The following GALNT17 variants were observed in gnomAD, a reference collection of about 807,000 sequenced individuals.
GALNT17 encodes polypeptide N-acetylgalactosaminyltransferase 17, also known as UDP-GalNAc:polypeptide N-acetylgalactosaminyltransferase-like 3.
Under a neutral mutation model 63.7 loss-of-function variants are expected in GALNT17, and 29 were observed. The ratio of observed to expected loss-of-function variants is 0.46; its 90% CI spans 0.34 to 0.62. GALNT17 has a LOEUF of 0.62. Among genes scored for constraint, GALNT17 ranks in the 20% least tolerant of loss-of-function variants. The pLI is 0.01. For synonymous variants in GALNT17, 305 were observed against 318.3 expected (o/e 0.96, Z 0.45); for missense variants, 603 against 799.6 (o/e 0.75, Z 2.97).
At chr7:71,243,096 G>A (rs1007888213) in intron 1 of GALNT17, among the ~76,000 whole-genome samples, 2 of 152,122 alleles carry the variant, frequency 1.3e-5, no homozygotes, top group African/African-American at 4.8e-5. Context: ...GATCCTGGGG[G>A]TGGTTTCCTC....
intron 5 of GALNT17, among the ~76,000 whole-genome samples, chr7:71,460,743 G>C (rs1209102992): frequency 6.6e-6 from 1 of 152,160 alleles, no homozygotes; most frequent in East Asian, 1.9e-4. Flanking sequence ...CGCTAAACAA[G>C]GGGGTGGATC....
chr7:71,560,193 CAAAAAAAAAAAAA>C (rs57189106), intron 5 of GALNT17, among the ~76,000 whole-genome samples: 2 of 94,484 alleles, frequency 2.1e-5, no homozygotes, highest in South Asian at 4.4e-4. Flanking sequence ...GACTCCATCT[CAAAAAAAAAAAAA>C]AAAAAAAAAA....
chr7:71,237,678 C>T lies in GALNT17; in HGVS notation c.239-97872C>T, dbSNP rs148903898. On this transcript the variant is annotated intron_variant, in intron 1 of 10. Transcript: ENST00000333538. The stretch of plus-strand genomic sequence containing the variant: ...CCAGCATGGGTGACAGAGTGATACC[C>T]TTTCTCAAAAACCAAACAAACAAAC... Among the ~76,000 whole-genome samples the T allele has an allele frequency of 2.8e-3, 429 of 152,218 alleles. 5 individuals carry two copies. The highest frequency in any genetic ancestry group is 9.7e-3 in the African/African-American group (404 of 41,534).
intron 1 of GALNT17, among the ~76,000 whole-genome samples, chr7:71,148,117 G>C (rs1217640337): frequency 6.6e-6 from 1 of 152,246 alleles, no homozygotes; most frequent in African/African-American, 2.4e-5. Context: ...CCAAGAGAAT[G>C]GGTTTCATTC....
chr7:71,571,850 C>A (rs978295568), intron 6 of GALNT17, among the ~76,000 whole-genome samples: 1 of 151,640 alleles, frequency 6.6e-6, no homozygotes, highest in African/African-American at 2.4e-5. Context: ...CCTGTCTCTA[C>A]AAAAAATAAA....
At chr7:71,670,483 G>T (rs1269561245) in intron 8 of GALNT17, among the ~76,000 whole-genome samples, 1 of 152,108 alleles carries the variant, frequency 6.6e-6, no homozygotes, top group African/African-American at 2.4e-5. Flanking sequence ...CTGTGGGCTG[G>T]AATCACTTAT....
chr7:71,328,202 C>T (rs78010393), intron 1 of GALNT17, among the ~76,000 whole-genome samples: 2,155 of 152,290 alleles, frequency 0.014, 26 homozygotes, highest in Middle Eastern at 0.027. Context: ...TAACTGTCGT[C>T]AGCTGTTAGG....
At chr7:71,298,283 G>A (rs1299466107) in intron 1 of GALNT17, among the ~76,000 whole-genome samples, 1 of 151,818 alleles carries the variant, frequency 6.6e-6, no homozygotes, top group African/African-American at 2.4e-5. Context: ...GCCTCCCAAA[G>A]TGCTGGGATT....
Position 71,449,108 on chromosome 7 carries a change from C to CTTTTTTTTTTTTTTTTTTTTT in GALNT17, c.962+28005_962+28025dup, listed in dbSNP as rs59368494. On this transcript the variant is annotated intron_variant, in intron 5 of 10. Coordinates refer to ENST00000333538, the MANE Select transcript of GALNT17 (RefSeq NM_022479.3). ...ATTAGAAATAACAGCTGCCTATTTTCTTTTTTTTTTTTTTTTTTTTTTGAG... is the reference window on the plus strand; with the variant it reads ...ATTAGAAATAACAGCTGCCTATTTTCTTTTTTTTTTTTTTTTTTTTTTTTTTTTTTTTTTTTTTTTTTTGAG... Among the ~76,000 whole-genome samples the CTTTTTTTTTTTTTTTTTTTTT allele has an allele frequency of 1.1e-3, 77 of 72,750 alleles. 19 individuals carry two copies. Among genetic ancestry groups the CTTTTTTTTTTTTTTTTTTTTT allele is most frequent in the African/African-American group, 1.6e-3 (28 of 17,406 alleles). 47.7% of individuals were successfully genotyped at this position (72,750 alleles called of 152,430 possible). A position where few individuals can be genotyped will look rare whatever the true frequency, so the allele number is the denominator to read the frequency against.
At chr7:71,299,431 C>T (rs1583841146) in intron 1 of GALNT17, among the ~76,000 whole-genome samples, 2 of 152,258 alleles carry the variant, frequency 1.3e-5, no homozygotes, top group Admixed American at 1.3e-4. Flanking sequence ...ATTATTTGTT[C>T]CATTGTACAG....
At chr7:71,157,354 A>T (rs1434506304) in intron 1 of GALNT17, among the ~76,000 whole-genome samples, 8 of 151,260 alleles carry the variant, frequency 5.3e-5, no homozygotes, top group Admixed American at 2.6e-4. Flanking sequence ...TAAAAACTTT[A>T]AAAAAATTGA....
At chr7:71,407,465 G>A (rs574025631) in intron 3 of GALNT17, among the ~76,000 whole-genome samples, 7 of 152,236 alleles carry the variant, frequency 4.6e-5, no homozygotes, top group African/African-American at 1.4e-4. Flanking sequence ...TCACACACAC[G>A]GTCCAGGCAT....
chr7:71,398,485 T>G (rs533316341), intron 3 of GALNT17, among the ~76,000 whole-genome samples: 1 of 152,214 alleles, frequency 6.6e-6, no homozygotes, highest in Admixed American at 6.5e-5. Context: ...GCAATATGTT[T>G]TCTTGTCCCT....
At chr7:71,623,205 T>C (rs1405328023) in intron 6 of GALNT17, among the ~76,000 whole-genome samples, 1 of 152,188 alleles carries the variant, frequency 6.6e-6, no homozygotes, top group Non-Finnish European at 1.5e-5. Flanking sequence ...ACTAGTTGTG[T>C]GGCATTAGGC....
intron 1 of GALNT17, among the ~76,000 whole-genome samples, chr7:71,180,877 A>G (rs549844564): frequency 1.3e-5 from 2 of 152,302 alleles, no homozygotes; most frequent in African/African-American, 4.8e-5. Context: ...CAGGTGTGAC[A>G]AGCTAGGTAT....
At chr7:71,246,115 G>GTTTTTTTTTTTTTTTTTT (rs61447370) in intron 1 of GALNT17, among the ~76,000 whole-genome samples, 1 of 92,000 alleles carries the variant, frequency 1.1e-5, no homozygotes, top group African/African-American at 4.1e-5. Context: ...TTTTTTCGTT[G>GTTTTTTTTTTTTTTTTTT]TTTTTTTTTT....
At chr7:71,400,997 G>A (rs941669606) in intron 3 of GALNT17, among the ~76,000 whole-genome samples, 3 of 152,150 alleles carry the variant, frequency 2.0e-5, no homozygotes, top group South Asian at 2.1e-4. Flanking sequence ...TAAAACTTAG[G>A]TGAGTTGTAA....
chr7:71,631,358 TA>T (rs1790450765), intron 6 of GALNT17, among the ~76,000 whole-genome samples: 1 of 152,058 alleles, frequency 6.6e-6, no homozygotes, highest in Admixed American at 6.6e-5. Flanking sequence ...CACACCCAGC[TA>T]ATTTTTAATA....
intron 1 of GALNT17, among the ~76,000 whole-genome samples, chr7:71,244,775 C>A (rs1288503367): frequency 1.3e-5 from 2 of 151,968 alleles, no homozygotes; most frequent in African/African-American, 4.8e-5. Flanking sequence ...ATAGTGAGAC[C>A]TTATCTCTAC....
Sources: gnomAD v4.1 joint callset for allele counts (sites outside exome capture counted in the v4.1 genomes callset) on GRCh38, gnomAD v4.1.1 for gene constraint, MANE v1.5 for transcripts, NCBI Gene and HGNC (gene_info 2026-07-23, HGNC 2026-07-21) for gene names.